Variants in PDE9A observed in about 807,000 individuals in gnomAD.
The protein encoded by PDE9A is high affinity cGMP-specific 3',5'-cyclic phosphodiesterase 9A.
A neutral mutation model predicts 87.4 loss-of-function variants in PDE9A; 60 were observed. The observed-to-expected ratio is 0.69, with a 90% CI of 0.56 to 0.85. PDE9A has a LOEUF of 0.85. Ranked by LOEUF, PDE9A falls within the 40% of genes least tolerant of loss-of-function variation. The pLI is 0.00. For missense variants in PDE9A, 665 were observed against 779.0 expected (o/e 0.85, Z 1.74); for synonymous variants, 272 against 279.4 (o/e 0.97, Z 0.27).
intron 19 of PDE9A, among the ~76,000 whole-genome samples, chr21:42,773,880 G>A (rs569889973): frequency 1.7e-4 from 26 of 151,080 alleles, no homozygotes; most frequent in Non-Finnish European, 2.1e-4. Flanking sequence ...CAAGGTGGAC[G>A]GATCACAAGG....
At chr21:42,773,866 A>G (rs1431190914) in intron 19 of PDE9A, among the ~76,000 whole-genome samples, 1 of 150,932 alleles carries the variant, frequency 6.6e-6, no homozygotes, top group African/African-American at 2.4e-5. Context: ...GCACTTTGGG[A>G]GGCCAAGGTG....
chr21:42,761,699 G>A (rs1248283641), intron 13 of PDE9A, among the ~76,000 whole-genome samples: 1 of 152,276 alleles, frequency 6.6e-6, no homozygotes, highest in African/African-American at 2.4e-5. Flanking sequence ...CACAGTGGCC[G>A]GCACAGCACA....
intron 1 of PDE9A, among the ~76,000 whole-genome samples, chr21:42,685,467 C>CTTTTTTTTTTTTTTTTTTTTT (rs765252066): frequency 8.6e-6 from 1 of 115,974 alleles, no homozygotes; most frequent in Non-Finnish European, 1.7e-5. Flanking sequence ...GAAAGGCAGT[C>CTTTTTTTTTTTTTTTTTTTTT]TTTTTTTTTT....
At chr21:42,733,260 C>G in intron 6 of PDE9A, 96 bp from the exon 7 acceptor site, 1 of 737,156 alleles carries the variant, frequency 1.4e-6, no homozygotes, top group East Asian at 2.6e-5. Flanking sequence ...CTTGCCCATG[C>G]CCACAGCAGG....
chr21:42,679,933 CAAG>C (rs1444142347), intron 1 of PDE9A, among the ~76,000 whole-genome samples: 2 of 152,234 alleles, frequency 1.3e-5, no homozygotes, highest in African/African-American at 4.8e-5. Context: ...CAAGCCAGTT[CAAG>C]AAGATCTGCG....
chr21:42,701,229 A>G (rs564839189), intron 4 of PDE9A: 84 of 152,186 alleles, frequency 5.5e-4, no homozygotes, highest in Admixed American at 2.0e-3. Flanking sequence ...CTGCAAATGG[A>G]CTTTTTTTTC....
Position 42,698,974 on chromosome 21 carries a change from G to A in PDE9A, c.225G>A (p.Pro75=), listed in dbSNP as rs78479041. The A allele has an allele frequency of 3.6e-4, 586 of 1,612,634 alleles. No homozygotes were observed. The highest frequency in any genetic ancestry group is 4.4e-4 in the Non-Finnish European group (520 of 1,178,716). Reference sequence around the variant, plus strand: ...ACTGTCTTCTCTTTTGCAGCACTCCGTACAAAGTGAGACCTGTGGCCATCA... The same window carrying A: ...ACTGTCTTCTCTTTTGCAGCACTCCATACAAAGTGAGACCTGTGGCCATCA... ...PTMPANSERT[P]YKVRPVAIKQ... The change falls in exon 4 of 20, where the codon CCG becomes CCA. Residue 75 remains proline, a synonymous_variant. Transcript: ENST00000291539.
intron 1 of PDE9A, among the ~76,000 whole-genome samples, chr21:42,654,591 A>G (rs2056909153): frequency 6.6e-6 from 1 of 152,152 alleles, no homozygotes; most frequent in Non-Finnish European, 1.5e-5. Context: ...GGGAAAAGCC[A>G]TTGTGAGGAA....
intron 3 of PDE9A, chr21:42,697,334 C>A: frequency 1.2e-6 from 1 of 818,260 alleles, no homozygotes; most frequent in Non-Finnish European, 2.1e-6. Flanking sequence ...AACCATCAAA[C>A]CACATGTATT....
In PDE9A at chr21:42,686,250, C is replaced by G; in HGVS notation, c.128C>G (p.Thr43Ser). The change falls in exon 2 of 20, where the codon ACC becomes AGC. Residue 43 changes from threonine to serine, a missense_variant. Physicochemically the swap from Thr to Ser is moderately conservative, Grantham distance 58. Coordinates refer to ENST00000291539, the MANE Select transcript of PDE9A (RefSeq NM_002606.3). ...SDIMDLFCIATGLPRNTTISL... is the reference protein window; with the variant it reads ...SDIMDLFCIASGLPRNTTISL... ...ATCATGGACCTGTTCTGCATCGCCA[C>G]CGGCCTGCCTCGGTGAGTGCGCGCT... 1 of 1,613,256 alleles carries G rather than the reference C, an allele frequency of 6.2e-7. No homozygotes were observed. The highest frequency in any genetic ancestry group is 8.5e-7 in the Non-Finnish European group (1 of 1,179,230).
chr21:42,773,756 G>A (rs888861859), intron 19 of PDE9A, among the ~76,000 whole-genome samples: 16 of 143,514 alleles, frequency 1.1e-4, no homozygotes, highest in Middle Eastern at 3.6e-3. Context: ...AGCCAAGATC[G>A]CGCCACTGCA....
chr21:42,672,162 G>C (rs71320541), intron 1 of PDE9A, among the ~76,000 whole-genome samples: 3,519 of 152,340 alleles, frequency 0.023, 67 homozygotes, highest in Middle Eastern at 0.048. Context: ...TCAGTAATTT[G>C]AGAACAAGGC....
chr21:42,730,484 G>T (rs555390700), intron 4 of PDE9A, among the ~76,000 whole-genome samples: 1 of 151,902 alleles, frequency 6.6e-6, no homozygotes, highest in Non-Finnish European at 1.5e-5. Context: ...AAATGCATAA[G>T]AAAAAGGGGA....
intron 4 of PDE9A, among the ~76,000 whole-genome samples, chr21:42,714,108 T>C (rs1476291850): frequency 7.2e-6 from 1 of 138,146 alleles, no homozygotes; most frequent in Non-Finnish European, 1.5e-5. Flanking sequence ...AAGCTCCACC[T>C]CCCGGGTTCA....
In PDE9A at chr21:42,670,336, TCACATACATTTACACACACATCCA is replaced by T. The variant is rs1569117733; in HGVS notation, c.70-15851_70-15828del. On this transcript the variant is annotated intron_variant, in intron 1 of 19. Transcript: ENST00000291539. ...ACACCACACTCACATTCACACACAT[TCACATACATTTACACACACATCCA>T]CACACACATTCACACACATTCACAT... Among the ~76,000 whole-genome samples, 660 of 93,784 alleles carry T rather than the reference TCACATACATTTACACACACATCCA, an allele frequency of 7.0e-3. 6 individuals carry two copies. Among genetic ancestry groups the T allele is most frequent in the African/African-American group, 0.033 (623 of 19,054 alleles). 61.5% of individuals were successfully genotyped at this position (93,784 alleles called of 152,430 possible). A position where few individuals can be genotyped will look rare whatever the true frequency, so the allele number is the denominator to read the frequency against.
chr21:42,715,549 G>A (rs564648489), intron 4 of PDE9A, among the ~76,000 whole-genome samples: 2 of 151,818 alleles, frequency 1.3e-5, no homozygotes, highest in Admixed American at 6.6e-5. Context: ...TCCGGAAGGC[G>A]GAGGTTGCAG....
chr21:42,661,101 G>A (rs566763401), intron 1 of PDE9A, among the ~76,000 whole-genome samples: 6 of 149,888 alleles, frequency 4.0e-5, no homozygotes, highest in Non-Finnish European at 7.4e-5. Context: ...GCGTGATCTC[G>A]GCTCACTGCA....
intron 7 of PDE9A, chr21:42,733,792 G>A (rs781062320): frequency 1.9e-5 from 4 of 211,346 alleles, no homozygotes; most frequent in Non-Finnish European, 3.8e-5. Context: ...CACCCTGTGG[G>A]TCATAATTTT....
chr21:42,712,094 G>A (rs1445584004), intron 4 of PDE9A, among the ~76,000 whole-genome samples: 1 of 151,512 alleles, frequency 6.6e-6, no homozygotes, highest in Non-Finnish European at 1.5e-5. Context: ...CTATGACTTT[G>A]ATTACTATTT....
Sources: gnomAD v4.1 joint callset for allele counts (sites outside exome capture counted in the v4.1 genomes callset) on GRCh38, gnomAD v4.1.1 for gene constraint, MANE v1.5 for transcripts, NCBI Gene and HGNC (gene_info 2026-07-23, HGNC 2026-07-21) for gene names.